Variants in CEP85L observed in about 807,000 individuals in gnomAD.
CEP85L encodes centrosomal protein 85L, also known as centrosomal protein of 85 kDa-like.
Under a neutral mutation model 100.3 loss-of-function variants are expected in CEP85L, and 60 were observed. That is an observed-to-expected ratio of 0.60 (90% confidence interval 0.49 to 0.74). The LOEUF (loss-of-function observed/expected upper bound fraction) is 0.74. Ranked by LOEUF, CEP85L falls within the 30% of genes least tolerant of loss-of-function variation. The pLI is 0.00. For missense variants in CEP85L, 973 were observed against 936.2 expected (o/e 1.04, Z -0.51); for synonymous variants, 319 against 322.7 (o/e 0.99, Z 0.12).
Position 118,462,879 on chromosome 6 carries a change from A to G in CEP85L, c.*2526T>C, listed in dbSNP as rs1225648532. ...ATACTGACAAACTAGATAGAATACT[A>G]TTAGTTTCAATTCCCCCACAAAATC... On this transcript the variant is annotated 3_prime_UTR_variant, in exon 13 of 13. Transcript: ENST00000368491. 2 of 151,976 alleles carry G rather than the reference A, an allele frequency of 1.3e-5. No individual in the cohort carries two copies. Among genetic ancestry groups the G allele is most frequent in the African/African-American group, 2.4e-5 (1 of 41,424 alleles). 9.4% of individuals were successfully genotyped at this position (151,976 alleles called of 1,614,324 possible).
At chr6:118,471,961 C>A (rs1042939162) in intron 10 of CEP85L, among the ~76,000 whole-genome samples, 1 of 151,634 alleles carries the variant, frequency 6.6e-6, no homozygotes, top group African/African-American at 2.4e-5. Flanking sequence ...CAGAATTCAA[C>A]CTAAATTTTC....
intron 2 of CEP85L, among the ~76,000 whole-genome samples, chr6:118,610,673 C>A (rs1583162940): frequency 6.6e-6 from 1 of 152,044 alleles, no homozygotes; most frequent in South Asian, 2.1e-4. Flanking sequence ...TGCCCCATAA[C>A]TTTCAACTAC....
At chr6:118,520,115 CT>C (rs1349372071) in intron 4 of CEP85L, among the ~76,000 whole-genome samples, 1 of 152,172 alleles carries the variant, frequency 6.6e-6, no homozygotes, top group African/African-American at 2.4e-5. Context: ...AGGCTGAAGA[CT>C]TTCACCTAAA....
chr6:118,510,261 G>C (rs1244048700), intron 5 of CEP85L, among the ~76,000 whole-genome samples: 1 of 151,882 alleles, frequency 6.6e-6, no homozygotes, highest in Non-Finnish European at 1.5e-5. Context: ...AAATTACATA[G>C]AGGAAAAGGA....
At chr6:118,509,906 A>G (rs1775870904) in intron 5 of CEP85L, among the ~76,000 whole-genome samples, 1 of 152,100 alleles carries the variant, frequency 6.6e-6, no homozygotes, top group African/African-American at 2.4e-5. Flanking sequence ...CAGTCATATA[A>G]ATTTTGTTAA....
chr6:118,598,359 AT>A (rs1781558903), intron 2 of CEP85L, among the ~76,000 whole-genome samples: 2 of 152,212 alleles, frequency 1.3e-5, no homozygotes, highest in Admixed American at 1.3e-4. Context: ...TATGTCCTCC[AT>A]AAAAATACAT....
At chr6:118,651,750 C>T (rs1192567650), upstream of CEP85L, 7 of 986,768 alleles carry the variant, frequency 7.1e-6, no homozygotes, top group Non-Finnish European at 8.4e-6. Context: ...CGCTTCGCCT[C>T]CTTGGCGGCG....
chr6:118,468,405 T>A (rs73766505), intron 12 of CEP85L, among the ~76,000 whole-genome samples: 2,599 of 152,266 alleles, frequency 0.017, 69 homozygotes, highest in African/African-American at 0.059. Context: ...TCTTCTCTAT[T>A]ATAAAGAGAC....
At chr6:118,519,892 A>G (rs922943343) in intron 4 of CEP85L, among the ~76,000 whole-genome samples, 2 of 152,190 alleles carry the variant, frequency 1.3e-5, no homozygotes, top group African/African-American at 4.8e-5. Flanking sequence ...ATACAGACCA[A>G]TATCTCTTAT....
upstream of CEP85L, chr6:118,652,527 C>A: frequency 7.2e-7 from 1 of 1,391,988 alleles, no homozygotes; most frequent in Non-Finnish European, 9.3e-7. Flanking sequence ...AGAGGTAAGT[C>A]GGAACGCAGG....
rs115808992 is a variant in CEP85L at position 118,627,489 on chromosome 6, C to A, written c.232+4964G>T. Among the ~76,000 whole-genome samples the A allele has an allele frequency of 1.9e-3, 287 of 152,308 alleles. 1 individual carries two copies. The highest frequency in any genetic ancestry group is 6.6e-3 in the African/African-American group (275 of 41,568). On this transcript the variant is annotated intron_variant, in intron 2 of 12. Coordinates refer to ENST00000368491, the MANE Select transcript of CEP85L (RefSeq NM_001042475.3). ...CAGCTGCTCCCAAAACAGAAGAGAG[C>A]AACATGGCAAATGCATAGAATACTT...
At chr6:118,546,742 A>C (rs1778227129) in intron 3 of CEP85L, among the ~76,000 whole-genome samples, 1 of 152,122 alleles carries the variant, frequency 6.6e-6, no homozygotes, top group Non-Finnish European at 1.5e-5. Context: ...TCGGTTTTGT[A>C]TTATCAATCA....
chr6:118,651,584 G>C lies in CEP85L; in HGVS notation c.-315C>G, dbSNP rs911007120. The C allele has an allele frequency of 7.9e-6, 9 of 1,134,508 alleles. No homozygotes were observed. The African/African-American group carries it at 9.7e-5, about 12-fold the overall frequency. The allele number at this position is 1,134,508 out of a possible 1,614,324, so 70.3% of individuals were successfully genotyped here. A position where few individuals can be genotyped will look rare whatever the true frequency, so the allele number is the denominator to read the frequency against. On this transcript the variant is annotated 5_prime_UTR_variant, in exon 1 of 13. Transcript: ENST00000368491. The stretch of plus-strand genomic sequence containing the variant: ...GGCTCCAGGCGAAGTTGCAGCTGCG[G>C]GTTCTCTCCGCCCCCTCCGCCGGCA...
intron 10 of CEP85L, among the ~76,000 whole-genome samples, chr6:118,474,507 G>T (rs1253045307): frequency 6.6e-6 from 1 of 152,176 alleles, no homozygotes; most frequent in Non-Finnish European, 1.5e-5. Context: ...CCCCTTATGG[G>T]ATGGAAGCTT....
chr6:118,519,473 TGGCGGGGGGGGGTTGTGAAACTCC>T (rs1562222927), intron 4 of CEP85L, among the ~76,000 whole-genome samples: 61 of 18,196 alleles, frequency 3.4e-3, no homozygotes, highest in Non-Finnish European at 3.8e-3. Flanking sequence ...TGTGTGTGTG[TGGCGGGGGGGGGTTGTGAAACTCC>T]GTGTGCGTGT....
intron 11 of CEP85L, among the ~76,000 whole-genome samples, chr6:118,470,282 C>T (rs2114427822): frequency 6.6e-6 from 1 of 151,942 alleles, no homozygotes; most frequent in Admixed American, 6.6e-5. Context: ...TGGAAAAAAA[C>T]TTTTTTATAG....
intron 4 of CEP85L, among the ~76,000 whole-genome samples, chr6:118,519,227 G>A (rs1192745968): frequency 2.0e-5 from 3 of 151,938 alleles, no homozygotes; most frequent in African/African-American, 7.3e-5. Context: ...AGGCCGAGGC[G>A]GGCAGATCAC....
chr6:118,647,709 C>T (rs1354180684), intron 1 of CEP85L, among the ~76,000 whole-genome samples: 1 of 152,126 alleles, frequency 6.6e-6, no homozygotes, highest in Non-Finnish European at 1.5e-5. Flanking sequence ...ACATACTTAG[C>T]ACAACTAGGT....
At chr6:118,616,354 T>C (rs1773043660) in intron 2 of CEP85L, among the ~76,000 whole-genome samples, 1 of 151,396 alleles carries the variant, frequency 6.6e-6, no homozygotes, top group South Asian at 2.1e-4. Context: ...AATAGGACCC[T>C]GTCCTTACAA....
Sources: gnomAD v4.1 joint callset for allele counts (sites outside exome capture counted in the v4.1 genomes callset) on GRCh38, gnomAD v4.1.1 for gene constraint, MANE v1.5 for transcripts, NCBI Gene and HGNC (gene_info 2026-07-23, HGNC 2026-07-21) for gene names.